Variants in MRPL30 observed in about 807,000 individuals in gnomAD.
MRPL30 encodes mitochondrial ribosomal protein L30, also known as large ribosomal subunit protein uL30m.
MRPL30 carries 10 observed loss-of-function variants against 17.2 expected under a neutral mutation model. The observed-to-expected ratio is 0.58, with a 90% CI of 0.36 to 0.99. The LOEUF is 0.99. MRPL30 is among the 50% of genes least tolerant of loss of function. MRPL30 has a pLI of 0.01. For missense variants in MRPL30, 170 were observed against 189.8 expected (o/e 0.90, Z 0.61); for synonymous variants, 61 against 62.1 (o/e 0.98, Z 0.08).
chr2:99,194,652 T>C, intron 3 of MRPL30, 99 bp from the exon 4 acceptor site: 2 of 996,056 alleles, frequency 2.0e-6, no homozygotes, highest in Non-Finnish European at 3.0e-6. Flanking sequence ...GAGGTAATTA[T>C]GTAGTTGTGT....
chr2:99,182,510 G>C (rs1024901296), intron 1 of MRPL30, among the ~76,000 whole-genome samples: 4 of 152,230 alleles, frequency 2.6e-5, no homozygotes, highest in African/African-American at 9.6e-5. Flanking sequence ...AACCCAGATC[G>C]TGCCACTGCA....
At chr2:99,183,003 G>A (rs556507702) in intron 1 of MRPL30, among the ~76,000 whole-genome samples, 1 of 152,312 alleles carries the variant, frequency 6.6e-6, no homozygotes, top group South Asian at 2.1e-4. Context: ...GGGTATGGGT[G>A]AAAATGTTAA....
chr2:99,187,721 A>G (rs1233460131), intron 2 of MRPL30, among the ~76,000 whole-genome samples: 1 of 152,136 alleles, frequency 6.6e-6, no homozygotes, highest in Non-Finnish European at 1.5e-5. Context: ...CCAGCTATTC[A>G]GAAGGCTGAG....
intron 1 of MRPL30, among the ~76,000 whole-genome samples, chr2:99,184,220 A>G (rs2093930439): frequency 6.6e-6 from 1 of 152,130 alleles, no homozygotes; most frequent in African/African-American, 2.4e-5. Context: ...TGTTTTTTCC[A>G]GTAGTTCCTT....
chr2:99,181,446 TG>T (rs1239206292), intron 1 of MRPL30, among the ~76,000 whole-genome samples, 197 bp downstream of exon 1: 2 of 152,298 alleles, frequency 1.3e-5, no homozygotes, highest in East Asian at 3.9e-4. Flanking sequence ...TTTCCCAATT[TG>T]CAGGATCCAG....
chr2:99,197,760 C>T lies in MRPL30; in HGVS notation c.*2055C>T, dbSNP rs2093957274. The T allele has an allele frequency of 6.3e-6, 1 of 158,116 alleles. No homozygotes were observed. The highest frequency in any genetic ancestry group is 1.4e-5 in the Non-Finnish European group (1 of 72,788). The allele number at this position is 158,116 out of a possible 1,614,324, so 9.8% of individuals were successfully genotyped here. A position where few individuals can be genotyped will look rare whatever the true frequency, so the allele number is the denominator to read the frequency against. On this transcript the variant is annotated 3_prime_UTR_variant, in exon 6 of 6. Transcript: ENST00000338148. ...GGCTCAAGTGATCCTCCCACCTCAGCCTCCTGAGCAGCTAGGACTACAGAT... is the reference window on the plus strand; with the variant it reads ...GGCTCAAGTGATCCTCCCACCTCAGTCTCCTGAGCAGCTAGGACTACAGAT...
At chr2:99,194,182 T>C (rs1220378723) in intron 3 of MRPL30, among the ~76,000 whole-genome samples, 1 of 152,186 alleles carries the variant, frequency 6.6e-6, no homozygotes, top group African/African-American at 2.4e-5. Context: ...TTACACATAG[T>C]GTTAGAATAC....
chr2:99,188,397 G>C (rs1215820691), intron 3 of MRPL30, 140 bp downstream of exon 3: 1 of 656,906 alleles, frequency 1.5e-6, no homozygotes, highest in East Asian at 2.8e-5. Flanking sequence ...AAAGCATAGT[G>C]GGATTTATGT....
At chr2:99,191,205 C>T (rs1342499116) in intron 3 of MRPL30, among the ~76,000 whole-genome samples, 2 of 152,180 alleles carry the variant, frequency 1.3e-5, no homozygotes, top group Non-Finnish European at 1.5e-5. Context: ...CAGGGTTTCA[C>T]CATGCTGGCC....
rs2093952622 is a variant in MRPL30 at position 99,194,872 on chromosome 2, T to A, written c.254T>A (p.Ile85Lys). The A allele has an allele frequency of 6.3e-7, 1 of 1,577,490 alleles. No individual in the cohort carries two copies. The highest frequency in any genetic ancestry group is 2.0e-5 in the Admixed American group (1 of 50,994). The change falls in exon 4 of 6, where the codon ATA (isoleucine) becomes AAA (lysine). Residue 85 changes from isoleucine to lysine, a missense_variant. Coordinates refer to ENST00000338148, the MANE Select transcript of MRPL30 (RefSeq NM_145212.4). ...TRRRPYWEKD[I>K]IKMLGLEKAH... ...AGACGTCCATATTGGGAAAAAGATA[T>A]AATAAAGATGCTTGGATTAGAAAAA...
At chr2:99,187,261 G>A (rs929013204) in intron 2 of MRPL30, among the ~76,000 whole-genome samples, 2 of 152,204 alleles carry the variant, frequency 1.3e-5, no homozygotes, top group Non-Finnish European at 2.9e-5. Flanking sequence ...GCAGTATCCT[G>A]GTATGAAAGG....
At chr2:99,186,982 G>A (rs1222903205) in intron 2 of MRPL30, 1 of 152,266 alleles carries the variant, frequency 6.6e-6, no homozygotes, top group East Asian at 1.9e-4. Flanking sequence ...GCCTAGATGA[G>A]CCTATTGACC....
Position 99,194,744 on chromosome 2 carries a change from T to C in MRPL30, c.133-7T>C. On this transcript the variant is annotated splice_polypyrimidine_tract_variant and splice_region_variant and intron_variant, in intron 3 of 5. Transcript: ENST00000338148. ...AAATTTACCATTTATAATTCTTTCC[T>C]TTCTAGGTGTTTCAGGCCTCACCTG... 2 of 1,569,696 alleles carry C rather than the reference T, an allele frequency of 1.3e-6. No homozygotes were observed. The highest frequency in any genetic ancestry group is 8.6e-7 in the Non-Finnish European group (1 of 1,167,930).
Position 99,188,204 on chromosome 2 carries a change from A to G in MRPL30, c.79A>G (p.Ile27Val), listed in dbSNP as rs761345192. 4.4e-6 allele frequency: 7 copies of G among 1,605,828 alleles called. No individual in the cohort carries two copies. The highest frequency in any genetic ancestry group is 1.7e-5 in the Admixed American group (1 of 58,016). ...QTVTKGVESL[I>V]CTDWIRHKFT... ...TGTGACAAAAGGTGTGGAGTCTCTT[A>G]TTTGTACAGATTGGATTCGTCACAA... Residue 27 changes from isoleucine (I) to valine (V), a missense_variant, in exon 3 of 6, where the codon ATT (isoleucine) becomes GTT (valine). By Grantham distance (29) the Ile-to-Val change is conservative (BLOSUM62 3). Coordinates refer to ENST00000338148, the MANE Select transcript of MRPL30 (RefSeq NM_145212.4).
Position 99,188,277 on chromosome 2 carries a change from T to C in MRPL30, c.132+20T>C. On this transcript the variant is annotated intron_variant, in intron 3 of 5. Transcript: ENST00000338148. ...GAAAAAGTAAGAACAAAGTTTGATT[T>C]TTTTAATGTTAGTGTTGTTTTAAAA... The C allele has an allele frequency of 1.3e-6, 2 of 1,565,014 alleles. No homozygotes were observed. Among genetic ancestry groups the C allele is most frequent in the Non-Finnish European group, 1.7e-6 (2 of 1,150,178 alleles).
At chr2:99,187,723 A>G (rs1282494371) in intron 2 of MRPL30, among the ~76,000 whole-genome samples, 1 of 152,062 alleles carries the variant, frequency 6.6e-6, no homozygotes, top group Non-Finnish European at 1.5e-5. Flanking sequence ...AGCTATTCAG[A>G]AGGCTGAGGC....
intron 3 of MRPL30, among the ~76,000 whole-genome samples, chr2:99,193,690 T>C (rs1005612398): frequency 6.6e-6 from 1 of 152,332 alleles, no homozygotes; most frequent in Non-Finnish European, 1.5e-5. Flanking sequence ...CCTGCAAAGA[T>C]AGTAAACCTC....
chr2:99,198,055 A>G lies in MRPL30; in HGVS notation c.*2350A>G, dbSNP rs1215556635. On this transcript the variant is annotated 3_prime_UTR_variant, in exon 6 of 6. Coordinates refer to ENST00000338148, the MANE Select transcript of MRPL30 (RefSeq NM_145212.4). The stretch of plus-strand genomic sequence containing the variant: ...ATTTTAATCTCAACAGCCCATAGCT[A>G]GAAGAGGGGATCTAAATGTTAAGTT... Among the ~76,000 whole-genome samples, 1 of 152,242 alleles carries G rather than the reference A, an allele frequency of 6.6e-6. No homozygotes were observed. The highest frequency in any genetic ancestry group is 1.5e-5 in the Non-Finnish European group (1 of 68,046).
intron 3 of MRPL30, among the ~76,000 whole-genome samples, chr2:99,188,986 G>C (rs1038032200): frequency 2.6e-5 from 4 of 152,052 alleles, no homozygotes; most frequent in Non-Finnish European, 4.4e-5. Context: ...CAGGCGCCTG[G>C]CCTGTTTTTA....
Sources: allele counts gnomAD v4.1 joint callset (sites outside exome capture counted in the v4.1 genomes callset), GRCh38; gene constraint gnomAD v4.1.1; transcripts MANE v1.5; gene names NCBI Gene and HGNC (gene_info 2026-07-23, HGNC 2026-07-21).